ATP9A: variants seen among roughly 807,000 people sequenced by gnomAD.
The protein encoded by ATP9A is ATPase phospholipid transporting 9A.
In ATP9A, 52 loss-of-function variants were observed where a neutral mutation model predicts 144.1. That is an observed-to-expected ratio of 0.36 (90% CI 0.29 to 0.45). The LOEUF (loss-of-function observed/expected upper bound fraction) is 0.45. Ranked by LOEUF, ATP9A falls within the 20% of genes least tolerant of loss-of-function variation. The pLI is 1.00. For missense variants in ATP9A, 947 were observed against 1,392.7 expected, an observed-to-expected ratio of 0.68 and a Z score of 5.09; for synonymous variants, 582 against 557.4, an observed-to-expected ratio of 1.04 and a Z score of -0.62.
intron 19 of ATP9A, 112 bp from the exon 20 acceptor site, chr20:51,619,155 C>T (rs2077215954): frequency 8.9e-6 from 7 of 786,976 alleles, no homozygotes; most frequent in Admixed American, 6.9e-5. Context: ...AGCCAAGGGT[C>T]CCTCCCCTCC....
In ATP9A at chr20:51,674,189, C is replaced by A. The variant is rs1275597388; in HGVS notation, c.1001G>T (p.Arg334Leu). The change falls in exon 11 of 28, where the codon CGC (arginine) becomes CTC (leucine). Residue 334 changes from arginine to leucine, a missense_variant. By Grantham distance (102) the Arg-to-Leu change is moderately radical (BLOSUM62 -2). This residue lies in a region of ATP9A where 770 missense variants were observed against 1,047.9 expected (regional missense o/e 0.73). Coordinates refer to ENST00000338821, the MANE Select transcript of ATP9A (RefSeq NM_006045.3). ...GATGTTGGAAAACAAGAGGAGGAAG[C>A]GGATGATCTGCAGGTACCAACGGCC... Reference protein sequence around the residue: ...FAGRWYLQIIRFLLLFSNIIP... With the variant: ...FAGRWYLQIILFLLLFSNIIP... 1 of 1,613,904 alleles carries A rather than the reference C, an allele frequency of 6.2e-7. No homozygotes were observed. The highest frequency in any genetic ancestry group is 8.5e-7 in the Non-Finnish European group (1 of 1,179,986).
In ATP9A at chr20:51,618,622, G is replaced by A. The variant is rs373171634; in HGVS notation, c.2350+40C>T. 88 of 1,573,888 alleles carry A rather than the reference G, an allele frequency of 5.6e-5. 1 individual carries two copies. In the Middle Eastern group the frequency reaches 3.0e-3, roughly 54 times the overall value. ...TTAGGGAAAGGGAGCCTGGTGCACCGGCAGGCCAGGGCCAGCAGCACAGCC... is the reference window on the plus strand; with the variant it reads ...TTAGGGAAAGGGAGCCTGGTGCACCAGCAGGCCAGGGCCAGCAGCACAGCC... On this transcript the variant is annotated intron_variant, in intron 21 of 27. Transcript: ENST00000338821.
intron 9 of ATP9A, among the ~76,000 whole-genome samples, chr20:51,684,515 T>C (rs1010522342): frequency 6.8e-6 from 1 of 147,558 alleles, no homozygotes; most frequent in Non-Finnish European, 1.5e-5. Flanking sequence ...GCTAACACGG[T>C]GAAACTCCAT....
At chr20:51,744,072 T>C (rs1226273921) in intron 1 of ATP9A, among the ~76,000 whole-genome samples, 1 of 152,188 alleles carries the variant, frequency 6.6e-6, no homozygotes, top group East Asian at 1.9e-4. Flanking sequence ...CACCCATTGA[T>C]AACAGCCATT....
chr20:51,645,040 G>A (rs199805170), intron 14 of ATP9A, among the ~76,000 whole-genome samples: 8 of 152,202 alleles, frequency 5.3e-5, no homozygotes, highest in Non-Finnish European at 1.0e-4. Context: ...TAGTGGAAAC[G>A]TTGAATAACT....
intron 18 of ATP9A, among the ~76,000 whole-genome samples, chr20:51,624,573 C>T (rs547307437): frequency 1.6e-4 from 25 of 152,276 alleles, no homozygotes; most frequent in African/African-American, 6.0e-4. Context: ...GACAGACCGG[C>T]GTGCTGATCA....
At chr20:51,622,687 G>A (rs1322622327) in intron 18 of ATP9A, among the ~76,000 whole-genome samples, 1 of 152,172 alleles carries the variant, frequency 6.6e-6, no homozygotes, top group Non-Finnish European at 1.5e-5. Flanking sequence ...AGCTCACACT[G>A]CATTTCTCTG....
At chr20:51,716,798 C>G (rs559931430) in intron 3 of ATP9A, among the ~76,000 whole-genome samples, 1 of 152,196 alleles carries the variant, frequency 6.6e-6, no homozygotes, top group Non-Finnish European at 1.5e-5. Context: ...AACCTCCCAA[C>G]AAACCAAGGC....
chr20:51,669,100 G>C (rs757869851), intron 13 of ATP9A, among the ~76,000 whole-genome samples: 14 of 152,154 alleles, frequency 9.2e-5, no homozygotes, highest in Non-Finnish European at 2.1e-4. Flanking sequence ...GTCTAACGCG[G>C]TCTGGCTCAG....
At chr20:51,711,407 T>C (rs933682157) in intron 4 of ATP9A, among the ~76,000 whole-genome samples, 1 of 152,208 alleles carries the variant, frequency 6.6e-6, no homozygotes, top group African/African-American at 2.4e-5. Context: ...ATGGATGGAC[T>C]GCTTCCTTGG....
intron 1 of ATP9A, among the ~76,000 whole-genome samples, chr20:51,732,003 C>A (rs892954529): frequency 2.6e-5 from 4 of 152,080 alleles, no homozygotes; most frequent in Admixed American, 2.6e-4. Context: ...TGGAGAGAAG[C>A]CAGCACACCA....
chr20:51,673,319 A>G (rs1408127760), intron 11 of ATP9A, among the ~76,000 whole-genome samples: 1 of 152,162 alleles, frequency 6.6e-6, no homozygotes, highest in Non-Finnish European at 1.5e-5. Flanking sequence ...GGCTGCAGTG[A>G]GCTGAGATCG....
chr20:51,655,391 A>G (rs1319371473), intron 14 of ATP9A, among the ~76,000 whole-genome samples: 9 of 152,176 alleles, frequency 5.9e-5, no homozygotes, highest in African/African-American at 1.9e-4. Flanking sequence ...CTCCAACCTG[A>G]GTGACAGAGC....
At chr20:51,721,114 C>T (rs2077687056) in intron 3 of ATP9A, among the ~76,000 whole-genome samples, 1 of 152,232 alleles carries the variant, frequency 6.6e-6, no homozygotes, top group Admixed American at 6.5e-5. Flanking sequence ...AGGGCAAGAG[C>T]TGCTGGCATC....
chr20:51,648,421 C>T (rs2077350803), intron 14 of ATP9A, among the ~76,000 whole-genome samples: 1 of 152,156 alleles, frequency 6.6e-6, no homozygotes, highest in South Asian at 2.1e-4. Flanking sequence ...GAAGGCAATG[C>T]ATCGTGGCAT....
At chr20:51,654,377 T>C (rs201355587) in intron 14 of ATP9A, among the ~76,000 whole-genome samples, 2 of 151,722 alleles carry the variant, frequency 1.3e-5, no homozygotes, top group African/African-American at 2.4e-5. Context: ...CATTGTGCCA[T>C]CCCCCAACCG....
chr20:51,716,275 C>T lies in ATP9A; in HGVS notation c.328-3201G>A, dbSNP rs180865426. Among the ~76,000 whole-genome samples the T allele has an allele frequency of 1.8e-3, 275 of 152,150 alleles. 2 individuals carry two copies. The highest frequency in any genetic ancestry group is 4.0e-4 in the Non-Finnish European group (27 of 67,992). ...CTCTCCTGAGTTACTTCTCCCCTAA[C>T]ATATTAGTACCAAGAAAAAATTATT... On this transcript the variant is annotated intron_variant, in intron 3 of 27. Transcript: ENST00000338821.
intron 1 of ATP9A, among the ~76,000 whole-genome samples, chr20:51,757,818 A>T (rs1601148475): frequency 6.6e-6 from 1 of 151,862 alleles, no homozygotes; most frequent in Admixed American, 6.6e-5. Context: ...CAGCGGTAGG[A>T]TTGTTTGAAC....
chr20:51,651,801 C>A (rs781569399), intron 14 of ATP9A, among the ~76,000 whole-genome samples: 2 of 151,950 alleles, frequency 1.3e-5, no homozygotes, highest in Non-Finnish European at 2.9e-5. Context: ...TGGTGGTGGG[C>A]ACCTGTAGTC....
Sources: allele counts gnomAD v4.1 joint callset (sites outside exome capture counted in the v4.1 genomes callset), GRCh38; gene constraint gnomAD v4.1.1; regional missense constraint gnomAD v4.1.1; transcripts MANE v1.5; gene names NCBI Gene and HGNC (gene_info 2026-07-23, HGNC 2026-07-21).